The following SORCS1 variants were observed in gnomAD, a reference collection of about 807,000 sequenced individuals.
The protein encoded by SORCS1 is sortilin related VPS10 domain containing receptor 1.
In SORCS1, 60 loss-of-function variants were observed where a neutral mutation model predicts 146.1. The observed-to-expected ratio is 0.41, with a 90% CI of 0.33 to 0.51. The LOEUF is 0.51. SORCS1 is among the 20% of genes least tolerant of loss of function. The pLI is 0.21. For missense variants in SORCS1, 1,352 were observed against 1,487.6 expected (o/e 0.91, Z 1.50); for synonymous variants, 637 against 584.0 (o/e 1.09, Z -1.31).
At chr10:107,003,011 T>G (rs1957280341) in intron 1 of SORCS1, among the ~76,000 whole-genome samples, 1 of 152,156 alleles carries the variant, frequency 6.6e-6, no homozygotes, top group Non-Finnish European at 1.5e-5. Flanking sequence ...ATCCTAGCAC[T>G]TTGGGAGGCC....
intron 1 of SORCS1, among the ~76,000 whole-genome samples, chr10:107,084,182 G>A (rs1172543982): frequency 7.4e-6 from 1 of 134,528 alleles, no homozygotes; most frequent in Non-Finnish European, 1.6e-5. Flanking sequence ...TGCAAGCTCT[G>A]CCTCCTGGGT....
At chr10:107,108,360 CT>C (rs1965446214) in intron 1 of SORCS1, among the ~76,000 whole-genome samples, 1 of 152,178 alleles carries the variant, frequency 6.6e-6, no homozygotes, top group Non-Finnish European at 1.5e-5. Context: ...TGCTTGGCTT[CT>C]GGTGAAGCCT....
chr10:107,020,709 C>T (rs1402013240), intron 1 of SORCS1, among the ~76,000 whole-genome samples: 1 of 152,178 alleles, frequency 6.6e-6, no homozygotes, highest in Non-Finnish European at 1.5e-5. Context: ...CATCAAGAAA[C>T]AGACCTTTCT....
chr10:106,590,223 A>T (rs1406049510), intron 24 of SORCS1, among the ~76,000 whole-genome samples: 1 of 152,076 alleles, frequency 6.6e-6, no homozygotes, highest in African/African-American at 2.4e-5. Context: ...GTGAATTCCT[A>T]TTCAACCTTA....
At chr10:106,929,773 GCA>G (rs36086801) in intron 2 of SORCS1, among the ~76,000 whole-genome samples, 62,206 of 149,976 alleles carry the variant, frequency 0.41, 13,844 homozygotes, top group Non-Finnish European at 0.51. Context: ...ATGTGCACGT[GCA>G]CACACACACA....
intron 1 of SORCS1, among the ~76,000 whole-genome samples, chr10:107,083,184 A>T (rs7100359): frequency 0.23 from 35,225 of 151,552 alleles, 4,432 homozygotes; most frequent in Middle Eastern, 0.43. Context: ...TTATTATCAA[A>T]GGAAAGGTAA....
intron 2 of SORCS1, among the ~76,000 whole-genome samples, chr10:106,889,529 C>T (rs1264757353): frequency 6.6e-6 from 1 of 151,864 alleles, no homozygotes; most frequent in Non-Finnish European, 1.5e-5. Context: ...TTTGGGAGGC[C>T]GAGGTGGGCA....
chr10:106,732,603 G>A (rs889794842), intron 5 of SORCS1, among the ~76,000 whole-genome samples: 2 of 152,150 alleles, frequency 1.3e-5, no homozygotes, highest in Non-Finnish European at 2.9e-5. Context: ...CAGGAGAAAC[G>A]CAGTACCCCA....
At chr10:106,758,228 C>T (rs1399276156) in intron 5 of SORCS1, among the ~76,000 whole-genome samples, 3 of 152,116 alleles carry the variant, frequency 2.0e-5, no homozygotes, top group Non-Finnish European at 4.4e-5. Flanking sequence ...TTAGCACTGG[C>T]GGAAGCAGTG....
chr10:106,646,840 GATT>G (rs1353751926), intron 18 of SORCS1, among the ~76,000 whole-genome samples: 6 of 151,726 alleles, frequency 4.0e-5, no homozygotes, highest in African/African-American at 1.5e-4. Flanking sequence ...GTATTGAAAA[GATT>G]ATAATTTCTC....
chr10:106,820,981 G>A (rs1297613522), intron 3 of SORCS1, among the ~76,000 whole-genome samples: 2 of 152,184 alleles, frequency 1.3e-5, no homozygotes, highest in East Asian at 1.9e-4. Flanking sequence ...GAGAACATGA[G>A]CTCTAATAAG....
intron 1 of SORCS1, among the ~76,000 whole-genome samples, chr10:107,028,898 C>A (rs140763455): frequency 1.2e-4 from 18 of 152,306 alleles, no homozygotes; most frequent in African/African-American, 4.3e-4. Flanking sequence ...TCTCGCTTGA[C>A]TTCTCTTTGT....
chr10:107,081,095 C>T (rs1298773893), intron 1 of SORCS1, among the ~76,000 whole-genome samples: 2 of 152,178 alleles, frequency 1.3e-5, no homozygotes, highest in Non-Finnish European at 2.9e-5. Context: ...ACCATAACTG[C>T]AGTTCAGTTT....
chr10:106,654,914 C>T (rs1351555991), intron 17 of SORCS1, among the ~76,000 whole-genome samples: 4 of 151,878 alleles, frequency 2.6e-5, no homozygotes, highest in Non-Finnish European at 4.4e-5. Flanking sequence ...TGGCTCACTG[C>T]GGCTTTATTA....
chr10:106,819,123 A>G (rs1947887819), intron 3 of SORCS1, among the ~76,000 whole-genome samples: 1 of 152,240 alleles, frequency 6.6e-6, no homozygotes, highest in South Asian at 2.1e-4. Flanking sequence ...AGTTAAGAAG[A>G]GTAACAATGA....
chr10:107,112,940 G>A (rs2993095), intron 1 of SORCS1, among the ~76,000 whole-genome samples: 25,896 of 152,104 alleles, frequency 0.17, 2,914 homozygotes, highest in East Asian at 0.35. Flanking sequence ...TTCAACAATG[G>A]ATAGATCATC....
chr10:106,964,441 C>T (rs1435552926), intron 1 of SORCS1, among the ~76,000 whole-genome samples: 2 of 151,762 alleles, frequency 1.3e-5, no homozygotes, highest in African/African-American at 4.8e-5. Flanking sequence ...GTGGATGGGA[C>T]TACAGGCACA....
chr10:107,010,436 T>TTTTG (rs10631810), intron 1 of SORCS1, among the ~76,000 whole-genome samples: 93,302 of 151,628 alleles, frequency 0.62, 31,767 homozygotes, highest in East Asian at 0.81. Flanking sequence ...ACTTTATTTT[T>TTTTG]TTTGTTTCCG....
intron 2 of SORCS1, among the ~76,000 whole-genome samples, chr10:106,936,960 A>G (rs1057463234): frequency 6.6e-6 from 1 of 152,196 alleles, no homozygotes; most frequent in African/African-American, 2.4e-5. Flanking sequence ...ACTAGCATAT[A>G]TGTGTCCACT....
Sources: gnomAD v4.1 joint callset for allele counts (sites outside exome capture counted in the v4.1 genomes callset) on GRCh38, gnomAD v4.1.1 for gene constraint, MANE v1.5 for transcripts, NCBI Gene and HGNC (gene_info 2026-07-23, HGNC 2026-07-21) for gene names.